Variants in ANKS1A observed in about 807,000 individuals in gnomAD.
The protein encoded by ANKS1A is ankyrin repeat and SAM domain-containing protein 1A.
Under a neutral mutation model 120.3 loss-of-function variants are expected in ANKS1A, and 55 were observed. That is an observed-to-expected ratio of 0.46 (90% CI 0.37 to 0.57). The LOEUF is 0.57. ANKS1A is among the 20% of genes least tolerant of loss of function. The pLI is 0.00. For missense variants in ANKS1A, 1,123 were observed against 1,480.3 expected, an observed-to-expected ratio of 0.76 and a Z score of 3.96; for synonymous variants, 590 against 604.7, an observed-to-expected ratio of 0.98 and a Z score of 0.36.
intron 10 of ANKS1A, among the ~76,000 whole-genome samples, chr6:35,002,959 G>C (rs373429838): frequency 6.7e-6 from 1 of 148,418 alleles, no homozygotes; most frequent in East Asian, 2.0e-4. Context: ...AATCCCACCA[G>C]GACTAGACGG....
chr6:35,017,964 G>A lies in ANKS1A; in HGVS notation c.1915G>A (p.Ala639Thr), dbSNP rs777338098. The A allele has an allele frequency of 6.2e-6, 10 of 1,614,206 alleles. No individual in the cohort carries two copies. In the African/African-American group the frequency reaches 8.0e-5, roughly 13 times the overall value. The change falls in exon 11 of 24, where the codon GCT (alanine) becomes ACT (threonine). Residue 639 changes from alanine (A) to threonine (T), a missense_variant. Coordinates refer to ENST00000360359, the MANE Select transcript of ANKS1A (RefSeq NM_015245.3). ...DLLTCSPTED[A>T]TMGSRSESLS... ...CCTGACCTGCTCACCCACAGAGGAC[G>A]CTACCATGGGGAGTCGGAGTGAGTC...
At chr6:35,020,157 G>A (rs1341665744) in intron 11 of ANKS1A, among the ~76,000 whole-genome samples, 3 of 152,102 alleles carry the variant, frequency 2.0e-5, no homozygotes, top group African/African-American at 7.2e-5. Flanking sequence ...CAAGAGATGA[G>A]TACAGCCAGC....
chr6:35,092,715 G>C (rs1017216577), downstream of ANKS1A, among the ~76,000 whole-genome samples: 1 of 152,136 alleles, frequency 6.6e-6, no homozygotes, highest in Admixed American at 6.5e-5. Flanking sequence ...TCCCTTCTGG[G>C]ACCACCTTAC....
intron 11 of ANKS1A, among the ~76,000 whole-genome samples, chr6:35,046,362 C>T (rs1416912950): frequency 6.6e-6 from 1 of 152,202 alleles, no homozygotes; most frequent in Non-Finnish European, 1.5e-5. Flanking sequence ...GTTTCCTTCG[C>T]CTCTCGGGCA....
intron 11 of ANKS1A, among the ~76,000 whole-genome samples, chr6:35,051,652 G>A (rs953688343): frequency 1.3e-5 from 2 of 152,134 alleles, no homozygotes; most frequent in Non-Finnish European, 2.9e-5. Flanking sequence ...AATAAAATAC[G>A]CTTGATGCCA....
intron 11 of ANKS1A, among the ~76,000 whole-genome samples, chr6:35,025,966 G>A (rs1275897813): frequency 1.3e-5 from 2 of 152,050 alleles, no homozygotes; most frequent in Non-Finnish European, 2.9e-5. Flanking sequence ...GGGAGCTGGG[G>A]TATTTGCAAA....
At chr6:35,045,668 G>T (rs771665817) in intron 11 of ANKS1A, among the ~76,000 whole-genome samples, 24 of 152,198 alleles carry the variant, frequency 1.6e-4, no homozygotes, top group Non-Finnish European at 3.1e-4. Context: ...GCCCACATAT[G>T]GCTAGTGCTG....
chr6:34,980,550 A>G (rs1400540040), intron 3 of ANKS1A, among the ~76,000 whole-genome samples: 1 of 152,248 alleles, frequency 6.6e-6, no homozygotes, highest in Non-Finnish European at 1.5e-5. Context: ...GCAATTGCAG[A>G]AACATTTAAT....
In ANKS1A at chr6:34,892,714, A is replaced by T. The variant is rs1195461948; in HGVS notation, c.197+3115A>T. Among the ~76,000 whole-genome samples the T allele has an allele frequency of 2.0e-5, 3 of 152,158 alleles. No individual in the cohort carries two copies. The East Asian group carries it at 5.8e-4, about 29-fold the overall frequency. On this transcript the variant is annotated intron_variant, in intron 1 of 23. Transcript: ENST00000360359. ...TCTTAAAGCCCTTCCTGATGACCCT[A>T]ATACACACAGATCTCTCAAGCTTCC... is the stretch of plus-strand genomic sequence containing the variant.
At chr6:35,000,693 T>C (rs1032796818) in intron 10 of ANKS1A, among the ~76,000 whole-genome samples, 7 of 152,112 alleles carry the variant, frequency 4.6e-5, no homozygotes, top group African/African-American at 1.4e-4. Context: ...GTTGTATAAT[T>C]TAAAAGTAAT....
intron 3 of ANKS1A, among the ~76,000 whole-genome samples, chr6:34,977,288 T>A (rs1771650747): frequency 6.6e-6 from 1 of 152,236 alleles, no homozygotes; most frequent in Admixed American, 6.5e-5. Flanking sequence ...TTTAGTGCTT[T>A]GCATCAACAA....
intron 11 of ANKS1A, among the ~76,000 whole-genome samples, chr6:35,033,105 A>T (rs566496257): frequency 1.3e-5 from 2 of 152,392 alleles, no homozygotes; most frequent in South Asian, 2.1e-4. Flanking sequence ...TGGTGTTAAC[A>T]GTCTTTCTGC....
In ANKS1A at chr6:35,082,896, G is replaced by C; in HGVS notation, c.2835+80G>C. The C allele has an allele frequency of 7.7e-6, 12 of 1,555,446 alleles. No homozygotes were observed. Among genetic ancestry groups the C allele is most frequent in the Non-Finnish European group, 9.5e-6 (11 of 1,153,338 alleles). The stretch of plus-strand genomic sequence containing the variant: ...GGCACCTGCGGCCAAGTCCCAGCAG[G>C]GACTCCACAAAGCCAGGCCCAGGGC... On this transcript the variant is annotated intron_variant, in intron 18 of 23. Transcript: ENST00000360359. The surrounding 1 kb of genome is among the most constrained non-coding windows in gnomAD (Gnocchi z 4.1).
At position 35,050,046 on chromosome 6, in the gene ANKS1A, G is replaced by T. The variant is rs759070109; in HGVS notation, c.2011-4053G>T. ...GGGGATGGAGACCTCTCCATACAGA[G>T]CTCCACCTCCCATCCCCACCCCGTG... On this transcript the variant is annotated intron_variant, in intron 11 of 23. Transcript: ENST00000360359. This position sits in a 1 kb window ranked among gnomAD's most constrained non-coding sequence, Gnocchi z 4.3. Among the ~76,000 whole-genome samples, 1 of 152,136 alleles carries T rather than the reference G, an allele frequency of 6.6e-6. No homozygotes were observed. Among genetic ancestry groups the T allele is most frequent in the Admixed American group, 6.5e-5 (1 of 15,272 alleles).
chr6:34,953,939 A>G (rs1770214909), intron 1 of ANKS1A, among the ~76,000 whole-genome samples: 1 of 152,244 alleles, frequency 6.6e-6, no homozygotes, highest in Non-Finnish European at 1.5e-5. Context: ...TGCAACAGAA[A>G]CAATCAATGC....
chr6:34,965,175 A>T (rs189444841), intron 1 of ANKS1A, among the ~76,000 whole-genome samples: 1 of 152,284 alleles, frequency 6.6e-6, no homozygotes, highest in African/African-American at 2.4e-5. Flanking sequence ...GATAAATTTC[A>T]TCCTTTCTGA....
intron 13 of ANKS1A, among the ~76,000 whole-genome samples, chr6:35,078,232 A>G (rs1200070971): frequency 6.6e-6 from 1 of 152,190 alleles, no homozygotes; most frequent in Non-Finnish European, 1.5e-5. Context: ...TTTATCTTGG[A>G]TGCATGGAAC....
intron 11 of ANKS1A, among the ~76,000 whole-genome samples, chr6:35,029,639 G>A (rs539066119): frequency 1.3e-5 from 2 of 151,212 alleles, no homozygotes; most frequent in African/African-American, 4.8e-5. Flanking sequence ...CGTGAGCCAC[G>A]GCGCCCAGTC....
chr6:34,972,560 C>T (rs1021284486), intron 3 of ANKS1A: 1 of 983,400 alleles, frequency 1.0e-6, no homozygotes, highest in Non-Finnish European at 1.2e-6. Flanking sequence ...ATCACTTTTT[C>T]TTTTCCTCTC....
Sources: allele counts gnomAD v4.1 joint callset (sites outside exome capture counted in the v4.1 genomes callset), GRCh38; gene constraint gnomAD v4.1.1; non-coding constraint Gnocchi (gnomAD v3.1); transcripts MANE v1.5; gene names NCBI Gene and HGNC (gene_info 2026-07-23, HGNC 2026-07-21).